LIMCH1: variants seen among roughly 807,000 people sequenced by gnomAD.
The protein encoded by LIMCH1 is LIM and calponin homology domains 1, also known as LIM and calponin homology domains-containing protein 1.
LIMCH1 carries 113 observed loss-of-function variants against 176.5 expected under a neutral mutation model. The observed-to-expected ratio is 0.64, with a 90% CI of 0.55 to 0.75. LIMCH1 has a LOEUF of 0.75. Ranked by LOEUF, LIMCH1 falls within the 30% of genes least tolerant of loss-of-function variation. LIMCH1 has a pLI of 0.00. For missense variants in LIMCH1, 1,674 were observed against 1,814.9 expected (o/e 0.92, Z 1.41); for synonymous variants, 619 against 645.9 (o/e 0.96, Z 0.63).
intron 31 of LIMCH1, among the ~76,000 whole-genome samples, chr4:41,693,917 C>T (rs944549608): frequency 3.9e-5 from 6 of 152,230 alleles, no homozygotes; most frequent in Admixed American, 6.5e-5. Context: ...AACCTGAACC[C>T]CCCTCTGGGT....
At chr4:41,591,916 C>T (rs140092788) in intron 1 of LIMCH1, among the ~76,000 whole-genome samples, 28 of 152,290 alleles carry the variant, frequency 1.8e-4, no homozygotes, top group African/African-American at 6.0e-4. Context: ...GCCCCAGAGC[C>T]AGAAAGCTGC....
At chr4:41,689,028 C>T (rs1168896063) in intron 29 of LIMCH1, 1 of 153,504 alleles carries the variant, frequency 6.5e-6, no homozygotes, top group Non-Finnish European at 1.5e-5. Flanking sequence ...CTCTCCGGGC[C>T]CTCTGTCTAG....
chr4:41,693,218 A>G (rs180807013), intron 31 of LIMCH1: 2 of 152,340 alleles, frequency 1.3e-5, no homozygotes, highest in East Asian at 3.9e-4. Flanking sequence ...CTTTTAAAAA[A>G]TTGGAGTGAA....
chr4:41,556,751 A>G (rs1047907809), intron 1 of LIMCH1, among the ~76,000 whole-genome samples: 1 of 152,192 alleles, frequency 6.6e-6, no homozygotes, highest in Admixed American at 6.5e-5. Flanking sequence ...TTCTTTCAGT[A>G]TAGACATAAT....
At chr4:41,417,601 A>C (rs985549792) in intron 1 of LIMCH1, among the ~76,000 whole-genome samples, 2 of 151,920 alleles carry the variant, frequency 1.3e-5, no homozygotes, top group African/African-American at 4.8e-5. Context: ...GCTCACTGCA[A>C]TCTCCACCTC....
chr4:41,551,572 A>G (rs2080433156), intron 1 of LIMCH1, among the ~76,000 whole-genome samples: 1 of 152,182 alleles, frequency 6.6e-6, no homozygotes, highest in South Asian at 2.1e-4. Context: ...AGGTCAAGGA[A>G]CTATACCCTG....
At chr4:41,613,714 G>T (rs1436942124) in intron 5 of LIMCH1, 53 bp downstream of exon 5, 8 of 1,499,562 alleles carry the variant, frequency 5.3e-6, no homozygotes, top group Middle Eastern at 1.8e-4. Flanking sequence ...ATTTGCAGGG[G>T]CTGCATTGCG....
intron 1 of LIMCH1, among the ~76,000 whole-genome samples, chr4:41,436,102 A>G (rs2062049686): frequency 6.6e-6 from 1 of 152,158 alleles, no homozygotes; most frequent in East Asian, 1.9e-4. Flanking sequence ...CCATAAGAAA[A>G]TCTCTTTAAA....
chr4:41,630,937 C>T (rs532203779), intron 9 of LIMCH1, among the ~76,000 whole-genome samples: 50 of 152,296 alleles, frequency 3.3e-4, no homozygotes, highest in African/African-American at 4.8e-4. Context: ...ACTTAGTGCA[C>T]GGCAAATTCA....
intron 9 of LIMCH1, among the ~76,000 whole-genome samples, chr4:41,630,241 C>T (rs565684508): frequency 1.4e-4 from 21 of 152,260 alleles, no homozygotes; most frequent in Non-Finnish European, 2.4e-4. Flanking sequence ...GCTGGGATTA[C>T]AGGCATGAGC....
chr4:41,684,296 T>C (rs866325228), intron 26 of LIMCH1, 101 bp from the exon 27 acceptor site: 2 of 971,844 alleles, frequency 2.1e-6, no homozygotes, highest in Middle Eastern at 6.6e-4. Flanking sequence ...TCTCTTTTTT[T>C]ATATTGTAAT....
chr4:41,517,212 G>C (rs1010965807), intron 2 of LIMCH1, among the ~76,000 whole-genome samples: 70 of 152,152 alleles, frequency 4.6e-4, no homozygotes, highest in African/African-American at 1.7e-3. Context: ...AGAATTGTTT[G>C]AGAGGGTTTT....
chr4:41,616,575 A>G (rs1168136295), intron 5 of LIMCH1, among the ~76,000 whole-genome samples: 3 of 151,972 alleles, frequency 2.0e-5, no homozygotes, highest in African/African-American at 7.2e-5. Flanking sequence ...TCATCATCAC[A>G]TGCTAGATTA....
chr4:41,491,038 C>T (rs1473822573), intron 1 of LIMCH1, among the ~76,000 whole-genome samples: 1 of 149,828 alleles, frequency 6.7e-6, no homozygotes, highest in East Asian at 2.0e-4. Context: ...CACCTCACTT[C>T]CCAGACGGGG....
chr4:41,380,535 G>C (rs1250311173), intron 1 of LIMCH1, among the ~76,000 whole-genome samples: 2 of 151,560 alleles, frequency 1.3e-5, no homozygotes, highest in Admixed American at 1.3e-4. Context: ...CTAGTGGAGA[G>C]CTCTGGCTCA....
rs2085323524 is a variant in LIMCH1, at chr4:41,581,076, A to G, written c.-240-17844A>G. Among the ~76,000 whole-genome samples, 4 of 149,888 alleles carry G rather than the reference A, an allele frequency of 2.7e-5. No individual in the cohort carries two copies. The South Asian group carries it at 6.2e-4, about 23-fold the overall frequency. ...ACAGAGATAACCTTTAAAGAAGGAA[A>G]ACTGTCTGTCTGTCTGTCCATTCAT... On this transcript the variant is annotated intron_variant, in intron 1 of 31. Coordinates refer to ENST00000503057, the MANE Select transcript of LIMCH1 (RefSeq NM_001330672.2).
At chr4:41,548,406 C>A (rs2079899894) in intron 1 of LIMCH1, among the ~76,000 whole-genome samples, 2 of 152,084 alleles carry the variant, frequency 1.3e-5, no homozygotes, top group African/African-American at 4.8e-5. Flanking sequence ...GAAACTCATC[C>A]AAGAGAGCCT....
chr4:41,616,693 T>G (rs552696586), intron 5 of LIMCH1, among the ~76,000 whole-genome samples: 2 of 152,274 alleles, frequency 1.3e-5, no homozygotes, highest in East Asian at 3.9e-4. Context: ...AAAAGAAGAC[T>G]CTGACATTTC....
At chr4:41,481,017 T>G (rs895630434) in intron 1 of LIMCH1, among the ~76,000 whole-genome samples, 3 of 151,300 alleles carry the variant, frequency 2.0e-5, no homozygotes, top group African/African-American at 7.3e-5. Context: ...GTATTCTTAA[T>G]TAGATTTTTT....
Sources: allele counts gnomAD v4.1 joint callset (sites outside exome capture counted in the v4.1 genomes callset), GRCh38; gene constraint gnomAD v4.1.1; transcripts MANE v1.5; gene names NCBI Gene and HGNC (gene_info 2026-07-23, HGNC 2026-07-21).